Variants in NPHP1 observed in about 807,000 individuals in gnomAD.
NPHP1 encodes the protein nephrocystin-1.
In NPHP1, 70 loss-of-function variants were observed where a neutral mutation model predicts 90.4. The ratio of observed to expected loss-of-function variants is 0.77; its 90% CI spans 0.64 to 0.95. The LOEUF (loss-of-function observed/expected upper bound fraction) is 0.95, where lower values mean the gene tolerates loss of function less well. Among genes scored for constraint, NPHP1 ranks in the 40% least tolerant of loss-of-function variants. The pLI is 0.00. For missense variants in NPHP1, 764 were observed against 795.9 expected (o/e 0.96, Z 0.48); for synonymous variants, 256 against 271.7 (o/e 0.94, Z 0.57).
intron 13 of NPHP1, 92 bp downstream of exon 13, chr2:110,147,824 A>G: frequency 1.3e-6 from 1 of 775,796 alleles, no homozygotes. Flanking sequence ...ATTACACATA[A>G]AGACTTCAAG....
intron 4 of NPHP1, chr2:110,177,906 C>T (rs1683615591): frequency 6.3e-6 from 1 of 158,008 alleles, no homozygotes; most frequent in African/African-American, 2.4e-5. Context: ...CCAAGCCTGA[C>T]TAGTTTGGGT....
At chr2:110,197,044 C>T (rs1056524431) in intron 2 of NPHP1, among the ~76,000 whole-genome samples, 2 of 152,112 alleles carry the variant, frequency 1.3e-5, no homozygotes, top group African/African-American at 4.8e-5. Context: ...AAACCAAACT[C>T]CGCATGTTCT....
chr2:110,184,972 C>G, intron 2 of NPHP1: 1 of 642,124 alleles, frequency 1.6e-6, no homozygotes, highest in Non-Finnish European at 3.0e-6. Flanking sequence ...CCAACATCGT[C>G]CTCTTGGGAG....
At chr2:110,192,199 A>C (rs1684803415) in intron 2 of NPHP1, among the ~76,000 whole-genome samples, 1 of 152,190 alleles carries the variant, frequency 6.6e-6, no homozygotes, top group South Asian at 2.1e-4. Flanking sequence ...TCAGATGATC[A>C]AACTTCTCCG....
chr2:110,161,324 G>C (rs906305179), intron 10 of NPHP1, among the ~76,000 whole-genome samples: 4 of 152,088 alleles, frequency 2.6e-5, no homozygotes, highest in Non-Finnish European at 4.4e-5. Flanking sequence ...CATCTTTACA[G>C]ATGAAGAAAT....
Position 110,169,939 on chromosome 2 carries a change from C to T in NPHP1, c.389G>A (p.Gly130Asp), listed in dbSNP as rs2104578629. Residue 130 changes from glycine to aspartate, a missense_variant, in exon 5 of 20, where the codon GGT (glycine) becomes GAT (aspartate). Gly to Asp is a moderately conservative substitution (Grantham distance 94). Coordinates refer to ENST00000445609, the MANE Select transcript of NPHP1 (RefSeq NM_001128178.3). ...CTCCTCTGCATCTTCTTCCTCCCCA[C>T]CACTGTCTTCACTATCTTCACTTTC... ...ESESEDSEDS[G>D]GEEEDAEEEE... is the part of the protein sequence containing the mutation. 4 of 1,604,988 alleles carry T rather than the reference C, an allele frequency of 2.5e-6. No homozygotes were observed. Among genetic ancestry groups the T allele is most frequent in the Non-Finnish European group, 3.4e-6 (4 of 1,171,914 alleles).
intron 2 of NPHP1, among the ~76,000 whole-genome samples, chr2:110,200,982 T>G (rs919267945): frequency 2.0e-5 from 3 of 152,190 alleles, no homozygotes; most frequent in Non-Finnish European, 4.4e-5. Context: ...ATTAATAGTC[T>G]AAATTTGATG....
chr2:110,183,696 A>G (rs1407186796), intron 2 of NPHP1, among the ~76,000 whole-genome samples: 1 of 152,100 alleles, frequency 6.6e-6, no homozygotes, highest in Non-Finnish European at 1.5e-5. Flanking sequence ...ACTCCCATAC[A>G]ATAATAGTGG....
chr2:110,126,827 C>T (rs568732014), intron 18 of NPHP1: 2 of 152,736 alleles, frequency 1.3e-5, no homozygotes, highest in Admixed American at 6.5e-5. Context: ...TATGGTTTAA[C>T]GTGAGTATCA....
chr2:110,123,732 C>G lies in NPHP1; in HGVS notation c.*59G>C. 1 of 1,571,892 alleles carries G rather than the reference C, an allele frequency of 6.4e-7. No homozygotes were observed. Among genetic ancestry groups the G allele is most frequent in the Non-Finnish European group, 8.7e-7 (1 of 1,143,176 alleles). ...ATTTTTGGTTCCATCATTTTATTCA[C>G]GTAATCGTGGAGGATCCATCTGATT... On this transcript the variant is annotated 3_prime_UTR_variant, in exon 20 of 20. Coordinates refer to ENST00000445609, the MANE Select transcript of NPHP1 (RefSeq NM_001128178.3).
At chr2:110,150,531 T>G (rs1351904927) in intron 11 of NPHP1, among the ~76,000 whole-genome samples, 3 of 152,076 alleles carry the variant, frequency 2.0e-5, no homozygotes, top group South Asian at 2.1e-4. Flanking sequence ...AATTGAAATT[T>G]TAGGTAAAAA....
At chr2:110,178,632 G>T in intron 3 of NPHP1, 85 bp from the exon 4 acceptor site, 1 of 1,255,110 alleles carries the variant, frequency 8.0e-7, no homozygotes. Context: ...TCCAATAAGT[G>T]CTATATAACA....
chr2:110,187,965 T>G (rs749638730), intron 2 of NPHP1, among the ~76,000 whole-genome samples: 6 of 152,086 alleles, frequency 3.9e-5, no homozygotes, highest in Admixed American at 6.6e-5. Flanking sequence ...AAATTCAACA[T>G]CTTTTCATGT....
At chr2:110,134,281 C>G (rs1680001639) in intron 16 of NPHP1, among the ~76,000 whole-genome samples, 1 of 151,914 alleles carries the variant, frequency 6.6e-6, no homozygotes, top group African/African-American at 2.4e-5. Context: ...ACACAACCTA[C>G]TAAGGCTGAA....
chr2:110,187,751 G>A (rs1684398012), intron 2 of NPHP1, among the ~76,000 whole-genome samples: 1 of 152,016 alleles, frequency 6.6e-6, no homozygotes, highest in Non-Finnish European at 1.5e-5. Flanking sequence ...CATGAACATC[G>A]ATACAAAAAT....
chr2:110,168,405 G>GAAA (rs11453404), intron 6 of NPHP1, 47 bp downstream of exon 6: 18 of 941,892 alleles, frequency 1.9e-5, no homozygotes, highest in Admixed American at 6.6e-5. Flanking sequence ...TATTAAAAGC[G>GAAA]AAAAAAAAAA....
chr2:110,170,752 T>A (rs1308687410), intron 4 of NPHP1, among the ~76,000 whole-genome samples: 2 of 152,056 alleles, frequency 1.3e-5, no homozygotes, highest in Non-Finnish European at 2.9e-5. Flanking sequence ...GTTGCACGAA[T>A]GGGAATCATA....
At chr2:110,191,775 A>C in intron 2 of NPHP1, among the ~76,000 whole-genome samples, 1 of 152,260 alleles carries the variant, frequency 6.6e-6, no homozygotes, top group East Asian at 1.9e-4. Context: ...GCAGACTGAC[A>C]CCTCATACAG....
At chr2:110,169,642 C>A (rs1326769216) in intron 5 of NPHP1, among the ~76,000 whole-genome samples, 164 bp downstream of exon 5, 1 of 152,044 alleles carries the variant, frequency 6.6e-6, no homozygotes, top group Non-Finnish European at 1.5e-5. Flanking sequence ...GTAACACAAT[C>A]TCATATTACT....
Sources: allele counts gnomAD v4.1 joint callset (sites outside exome capture counted in the v4.1 genomes callset), GRCh38; gene constraint gnomAD v4.1.1; transcripts MANE v1.5; gene names NCBI Gene and HGNC (gene_info 2026-07-23, HGNC 2026-07-21).